MAGI3: variants seen among roughly 807,000 people sequenced by gnomAD.
The protein encoded by MAGI3 is membrane associated guanylate kinase, WW and PDZ domain containing 3.
MAGI3 carries 43 observed loss-of-function variants against 121.8 expected under a neutral mutation model. The ratio of observed to expected loss-of-function variants is 0.35; its 90% CI spans 0.28 to 0.46. The LOEUF (loss-of-function observed/expected upper bound fraction) is 0.46. Among genes scored for constraint, MAGI3 ranks in the 20% least tolerant of loss-of-function variants. The probability of loss-of-function intolerance (pLI) is 1.00; values close to 1 mark genes in which losing one functional copy is unlikely to be tolerated. For synonymous variants in MAGI3, 553 were observed against 639.3 expected, an observed-to-expected ratio of 0.86 and a Z score of 2.04; for missense variants, 1,547 against 1,797.3, an observed-to-expected ratio of 0.86 and a Z score of 2.52.
At chr1:113,418,740 TAG>T (rs1448488830) in intron 1 of MAGI3, among the ~76,000 whole-genome samples, 3 of 152,154 alleles carry the variant, frequency 2.0e-5, no homozygotes, top group Admixed American at 6.5e-5. Flanking sequence ...TATATTTGAT[TAG>T]AGTATTTAGA....
chr1:113,414,413 C>T (rs957883962), intron 1 of MAGI3, among the ~76,000 whole-genome samples: 1 of 152,092 alleles, frequency 6.6e-6, no homozygotes, highest in Non-Finnish European at 1.5e-5. Flanking sequence ...AGGGAGGATT[C>T]CCTCTTTTTC....
chr1:113,468,131 A>G lies in MAGI3; in HGVS notation c.316+76782A>G, dbSNP rs186890913. On this transcript the variant is annotated intron_variant, in intron 1 of 20. Transcript: ENST00000307546. ...TTTCTTTATAGGTGCTAAGTTTCTT[A>G]TAGGTGGCATAAAGTTGAATTGTTT... is the stretch of plus-strand genomic sequence containing the variant. Among the ~76,000 whole-genome samples, 1,107 of 152,262 alleles carry G rather than the reference A, an allele frequency of 7.3e-3. 11 individuals carry two copies. Among genetic ancestry groups the G allele is most frequent in the African/African-American group, 0.025 (1,053 of 41,564 alleles).
intron 1 of MAGI3, among the ~76,000 whole-genome samples, chr1:113,529,593 C>T (rs1658612762): frequency 6.6e-6 from 1 of 152,086 alleles, no homozygotes. Context: ...TAGTCTGTGG[C>T]AGTACTACAA....
intron 7 of MAGI3, among the ~76,000 whole-genome samples, chr1:113,617,340 T>C (rs897540111): frequency 6.6e-6 from 1 of 152,240 alleles, no homozygotes; most frequent in African/African-American, 2.4e-5. Context: ...ATCTGTAATA[T>C]TCTCCTCTCT....
At chr1:113,611,185 C>T (rs772259992) in intron 6 of MAGI3, among the ~76,000 whole-genome samples, 12 of 150,246 alleles carry the variant, frequency 8.0e-5, no homozygotes, top group Admixed American at 2.7e-4. Context: ...TTCCTAGGTT[C>T]GAGCAATTCT....
chr1:113,657,337 T>TC (rs1429089740), intron 15 of MAGI3, among the ~76,000 whole-genome samples: 2 of 152,196 alleles, frequency 1.3e-5, no homozygotes, highest in East Asian at 3.8e-4. Flanking sequence ...TTTTAACTGT[T>TC]CCGGTGACAC....
chr1:113,575,022 G>T (rs533438436), intron 2 of MAGI3, among the ~76,000 whole-genome samples: 13 of 152,262 alleles, frequency 8.5e-5, no homozygotes. Context: ...CTCGTGCTGT[G>T]TTTTTCAGCT....
intron 1 of MAGI3, among the ~76,000 whole-genome samples, chr1:113,438,145 G>A (rs1021220367): frequency 1.3e-5 from 2 of 151,814 alleles, no homozygotes; most frequent in African/African-American, 4.8e-5. Flanking sequence ...TGACAAGGTT[G>A]TTGCTATGTT....
At chr1:113,656,581 T>C (rs1385402397) in intron 15 of MAGI3, among the ~76,000 whole-genome samples, 1 of 151,818 alleles carries the variant, frequency 6.6e-6, no homozygotes, top group Non-Finnish European at 1.5e-5. Context: ...ACCTGGCTAA[T>C]TTTTTTTGTA....
chr1:113,509,668 A>G (rs1290799042), intron 1 of MAGI3, among the ~76,000 whole-genome samples: 1 of 120,200 alleles, frequency 8.3e-6, no homozygotes, highest in Non-Finnish European at 1.7e-5. Context: ...AAAAAATAGT[A>G]TGCTGATTTC....
intron 16 of MAGI3, among the ~76,000 whole-genome samples, chr1:113,661,971 G>C (rs12145894): frequency 1.3e-5 from 2 of 152,146 alleles, no homozygotes; most frequent in Non-Finnish European, 2.9e-5. Flanking sequence ...CATGGAGTTT[G>C]TAAGCCTTCC....
At chr1:113,594,871 A>C (rs1648898786) in intron 6 of MAGI3, among the ~76,000 whole-genome samples, 2 of 152,212 alleles carry the variant, frequency 1.3e-5, no homozygotes, top group Admixed American at 1.3e-4. Flanking sequence ...ATATTTAAAA[A>C]TTAGGCACAT....
At chr1:113,405,929 C>T (rs1337062234) in intron 1 of MAGI3, among the ~76,000 whole-genome samples, 1 of 151,996 alleles carries the variant, frequency 6.6e-6, no homozygotes, top group Non-Finnish European at 1.5e-5. Context: ...ATTCTCTTTT[C>T]TGTTGTGTTT....
chr1:113,543,691 A>C (rs1311198657), intron 1 of MAGI3, among the ~76,000 whole-genome samples: 1 of 152,014 alleles, frequency 6.6e-6, no homozygotes, highest in Non-Finnish European at 1.5e-5. Flanking sequence ...AACATGACAA[A>C]ACACTGTCTC....
intron 1 of MAGI3, among the ~76,000 whole-genome samples, chr1:113,423,259 T>TTC (rs1553183592): frequency 8.3e-6 from 1 of 120,228 alleles, no homozygotes; most frequent in Non-Finnish European, 1.7e-5. Flanking sequence ...TTTTTTTTTT[T>TTC]GGGGGGGGGG....
chr1:113,672,602 C>A lies in MAGI3; in HGVS notation c.2919-13C>A. On this transcript the variant is annotated splice_polypyrimidine_tract_variant and intron_variant, in intron 17 of 20. Transcript: ENST00000307546. ...CTCAGTTCAGAGAGTGACTTGATTT[C>A]TCTCTCTTGTAGAAGTGCCCTAGAA... 6.2e-7 allele frequency: 1 copy of A among 1,605,282 alleles called. No individual in the cohort carries two copies. The highest frequency in any genetic ancestry group is 8.5e-7 in the Non-Finnish European group (1 of 1,177,048).
At chr1:113,605,294 T>C (rs1441954300) in intron 6 of MAGI3, among the ~76,000 whole-genome samples, 1 of 152,062 alleles carries the variant, frequency 6.6e-6, no homozygotes, top group Non-Finnish European at 1.5e-5. Flanking sequence ...ATTCATGCAA[T>C]AAAATACTAC....
At chr1:113,635,677 C>G (rs1651963535) in intron 9 of MAGI3, among the ~76,000 whole-genome samples, 1 of 152,122 alleles carries the variant, frequency 6.6e-6, no homozygotes, top group Non-Finnish European at 1.5e-5. Context: ...GGATATTGGT[C>G]TAAAATTCTC....
chr1:113,441,168 C>A (rs1287687110), intron 1 of MAGI3, among the ~76,000 whole-genome samples: 1 of 152,128 alleles, frequency 6.6e-6, no homozygotes, highest in Non-Finnish European at 1.5e-5. Context: ...CTTAAGGCCA[C>A]TTTTTCTACC....
Sources: gnomAD v4.1 joint callset for allele counts (sites outside exome capture counted in the v4.1 genomes callset) on GRCh38, gnomAD v4.1.1 for gene constraint, MANE v1.5 for transcripts, NCBI Gene and HGNC (gene_info 2026-07-23, HGNC 2026-07-21) for gene names.